CHSY3: variants seen among roughly 807,000 people sequenced by gnomAD.
The protein encoded by CHSY3 is chondroitin sulfate synthase 3, also known as N-acetylgalactosaminyl-proteoglycan 3-beta-glucuronosyltransferase 3.
In CHSY3, 35 loss-of-function variants were observed where a neutral mutation model predicts 67.2. That is an observed-to-expected ratio of 0.52 (90% CI 0.40 to 0.69). CHSY3 has a LOEUF of 0.69. Among genes scored for constraint, CHSY3 ranks in the 30% least tolerant of loss-of-function variants. The pLI, the probability that CHSY3 is intolerant of heterozygous loss-of-function variation, is 0.00. For synonymous variants in CHSY3, 474 were observed against 434.7 expected, an observed-to-expected ratio of 1.09 and a Z score of -1.12; for missense variants, 1,069 against 1,138.5, an observed-to-expected ratio of 0.94 and a Z score of 0.88.
intron 2 of CHSY3, among the ~76,000 whole-genome samples, chr5:130,143,831 T>C (rs2149721117): frequency 7.5e-6 from 1 of 132,452 alleles, no homozygotes; most frequent in Admixed American, 7.7e-5. Flanking sequence ...TATATATATA[T>C]ATATATATAT....
At chr5:130,061,756 T>G (rs896714326) in intron 2 of CHSY3, among the ~76,000 whole-genome samples, 3 of 152,102 alleles carry the variant, frequency 2.0e-5, no homozygotes, top group African/African-American at 7.2e-5. Flanking sequence ...GAAGAGTCAT[T>G]CCTCCAAAGA....
At chr5:130,080,751 T>C (rs1766419588) in intron 2 of CHSY3, among the ~76,000 whole-genome samples, 2 of 152,074 alleles carry the variant, frequency 1.3e-5, no homozygotes, top group Admixed American at 1.3e-4. Context: ...TCATAGTCAA[T>C]CTTTTAGACT....
rs774154038 is a variant in CHSY3 at position 130,184,593 on chromosome 5, G to C, written c.1451G>C (p.Arg484Pro). 1.2e-5 allele frequency: 19 copies of C among 1,612,246 alleles called. No homozygotes were observed. Among genetic ancestry groups the C allele is most frequent in the Middle Eastern group, 1.6e-4 (1 of 6,080 alleles). The change falls in exon 3 of 3, where the codon CGA becomes CCA. Residue 484 changes from arginine to proline, a missense_variant. By Grantham distance (103) the Arg-to-Pro change is moderately radical. This residue lies in a region of CHSY3 where 401 missense variants were observed against 395.2 expected (regional missense o/e 1.01). Transcript: ENST00000305031. Reference protein sequence around the residue: ...LYSAAENQPPRQSLSSILRTA... With the variant: ...LYSAAENQPPPQSLSSILRTA... Reference sequence around the variant, plus strand: ...TCAGCAGCTGAGAACCAGCCCCCTCGACAGAGCCTCAGTAGCATTTTAAGA... The same window carrying C: ...TCAGCAGCTGAGAACCAGCCCCCTCCACAGAGCCTCAGTAGCATTTTAAGA...
intron 2 of CHSY3, among the ~76,000 whole-genome samples, chr5:130,045,395 A>C (rs1239092382): frequency 6.6e-6 from 1 of 152,066 alleles, no homozygotes; most frequent in Admixed American, 6.6e-5. Context: ...GATCATAGAC[A>C]TGGGCTTCTG....
At chr5:129,908,666 C>T (rs576998595) in intron 2 of CHSY3, among the ~76,000 whole-genome samples, 10 of 152,200 alleles carry the variant, frequency 6.6e-5, no homozygotes, top group African/African-American at 2.2e-4. Context: ...GAATCTATTT[C>T]CCTTTTCTAA....
Position 130,099,225 on chromosome 5 carries a change from C to T in CHSY3, c.1087-85004C>T, listed in dbSNP as rs12515883. On this transcript the variant is annotated intron_variant, in intron 2 of 2. Transcript: ENST00000305031. ...GTGGTTGATAAAAATGGAATAATTA[C>T]GTGGAAGTTGTTTTTCTTTCTGGCA... Among the ~76,000 whole-genome samples, 1,402 of 152,300 alleles carry T rather than the reference C, an allele frequency of 9.2e-3. 79 individuals are homozygous for T. Among genetic ancestry groups the T allele is most frequent in the Admixed American group, 0.071 (1,079 of 15,298 alleles).
At chr5:130,030,759 G>A (rs1764681921) in intron 2 of CHSY3, among the ~76,000 whole-genome samples, 1 of 152,074 alleles carries the variant, frequency 6.6e-6, no homozygotes, top group Non-Finnish European at 1.5e-5. Flanking sequence ...ACAGTTTTAA[G>A]AGCTTTGGGG....
At chr5:130,064,778 A>G (rs918991919) in intron 2 of CHSY3, among the ~76,000 whole-genome samples, 5 of 152,188 alleles carry the variant, frequency 3.3e-5, no homozygotes, top group Non-Finnish European at 5.9e-5. Flanking sequence ...GTCATTCACC[A>G]TGAGAAAAGA....
intron 2 of CHSY3, among the ~76,000 whole-genome samples, chr5:130,078,983 G>A (rs547467496): frequency 6.6e-6 from 1 of 152,168 alleles, no homozygotes; most frequent in African/African-American, 2.4e-5. Flanking sequence ...AAGACATTAA[G>A]TATATACTGA....
chr5:129,978,711 A>G (rs1762882729), intron 2 of CHSY3, among the ~76,000 whole-genome samples: 1 of 152,158 alleles, frequency 6.6e-6, no homozygotes, highest in Non-Finnish European at 1.5e-5. Context: ...AATAATTTAT[A>G]TAAATTTTCT....
At chr5:130,175,542 T>C (rs1217148011) in intron 2 of CHSY3, among the ~76,000 whole-genome samples, 1 of 152,174 alleles carries the variant, frequency 6.6e-6, no homozygotes, top group Non-Finnish European at 1.5e-5. Context: ...AGAGCCTGTA[T>C]AGCCAAGACA....
At chr5:130,015,061 C>T (rs1764177238) in intron 2 of CHSY3, among the ~76,000 whole-genome samples, 1 of 152,106 alleles carries the variant, frequency 6.6e-6, no homozygotes, top group East Asian at 1.9e-4. Context: ...AGAGGAGGAA[C>T]CTGGTAGGAG....
chr5:130,134,854 T>A (rs577639326), intron 2 of CHSY3, among the ~76,000 whole-genome samples: 1 of 140,662 alleles, frequency 7.1e-6, no homozygotes, highest in Admixed American at 7.4e-5. Flanking sequence ...CCCCCCCCAA[T>A]TTTTATGCTT....
At chr5:130,055,007 A>G (rs1043068539) in intron 2 of CHSY3, among the ~76,000 whole-genome samples, 6 of 152,088 alleles carry the variant, frequency 3.9e-5, no homozygotes, top group African/African-American at 1.4e-4. Context: ...GTCCAAGTGT[A>G]TGTATGGAGG....
chr5:129,935,898 A>C (rs1424782374), intron 2 of CHSY3, among the ~76,000 whole-genome samples: 2 of 152,200 alleles, frequency 1.3e-5, no homozygotes, highest in African/African-American at 2.4e-5. Context: ...AAATTTCTGC[A>C]GAGGAGTTTT....
intron 2 of CHSY3, among the ~76,000 whole-genome samples, chr5:130,069,107 C>T (rs918140324): frequency 1.3e-5 from 2 of 152,086 alleles, no homozygotes; most frequent in African/African-American, 4.8e-5. Context: ...ATAAGCACTA[C>T]TTAACTCCTT....
chr5:129,998,963 G>A (rs1251780400), intron 2 of CHSY3, among the ~76,000 whole-genome samples: 1 of 151,926 alleles, frequency 6.6e-6, no homozygotes, highest in Non-Finnish European at 1.5e-5. Context: ...TAAGGCTTCT[G>A]TGTTATTTGA....
At chr5:129,980,077 G>A (rs1391166801) in intron 2 of CHSY3, among the ~76,000 whole-genome samples, 4 of 152,158 alleles carry the variant, frequency 2.6e-5, no homozygotes, top group Non-Finnish European at 5.9e-5. Flanking sequence ...GTTTTATATG[G>A]ACATACGTTT....
chr5:130,086,470 T>G (rs1218200665), intron 2 of CHSY3, among the ~76,000 whole-genome samples: 1 of 152,090 alleles, frequency 6.6e-6, no homozygotes, highest in East Asian at 1.9e-4. Flanking sequence ...TTGGTAGATC[T>G]TCCTCCATCG....
Sources: gnomAD v4.1 joint callset for allele counts (sites outside exome capture counted in the v4.1 genomes callset) on GRCh38, gnomAD v4.1.1 for gene constraint, gnomAD v4.1.1 regional missense constraint, MANE v1.5 for transcripts, NCBI Gene and HGNC (gene_info 2026-07-23, HGNC 2026-07-21) for gene names.